Variants in CCSER1 observed in about 807,000 individuals in gnomAD.
CCSER1 encodes coiled-coil serine rich protein 1.
Under a neutral mutation model 82.0 loss-of-function variants are expected in CCSER1, and 41 were observed. That is an observed-to-expected ratio of 0.50 (90% CI 0.39 to 0.65). The LOEUF (loss-of-function observed/expected upper bound fraction) is 0.65. Among genes scored for constraint, CCSER1 ranks in the 30% least tolerant of loss-of-function variants. The pLI, the probability that CCSER1 is intolerant of heterozygous loss-of-function variation, is 0.00. For synonymous variants in CCSER1, 414 were observed against 383.9 expected (o/e 1.08, Z -0.92); for missense variants, 1,119 against 1,064.2 (o/e 1.05, Z -0.72).
chr4:90,258,982 A>T (rs751409398), intron 1 of CCSER1, among the ~76,000 whole-genome samples: 20 of 152,044 alleles, frequency 1.3e-4, no homozygotes, highest in Admixed American at 3.3e-4. Context: ...TTGGTTCCAT[A>T]TGAATTTTAG....
At chr4:91,563,510 T>C (rs545748291) in intron 10 of CCSER1, among the ~76,000 whole-genome samples, 3 of 151,472 alleles carry the variant, frequency 2.0e-5, no homozygotes, top group East Asian at 3.9e-4. Context: ...AAATTAGATA[T>C]AGTGTTCCAT....
intron 5 of CCSER1, among the ~76,000 whole-genome samples, chr4:90,502,322 A>G (rs1770017762): frequency 1.3e-5 from 2 of 152,148 alleles, no homozygotes; most frequent in South Asian, 2.1e-4. Flanking sequence ...GGGAAGTGCA[A>G]CACCCTTTTA....
chr4:90,343,880 G>A (rs2153506068), intron 3 of CCSER1, among the ~76,000 whole-genome samples: 1 of 152,218 alleles, frequency 6.6e-6, no homozygotes, highest in East Asian at 1.9e-4. Flanking sequence ...TATCCTTTGT[G>A]TTACAAACCA....
chr4:90,909,122 C>A (rs1331044218), intron 8 of CCSER1, among the ~76,000 whole-genome samples: 10 of 152,250 alleles, frequency 6.6e-5, no homozygotes, highest in African/African-American at 2.2e-4. Flanking sequence ...GATGGATCTA[C>A]ACTTTCTAGT....
intron 1 of CCSER1, among the ~76,000 whole-genome samples, chr4:90,172,054 G>GT (rs1001262326): frequency 6.6e-6 from 1 of 151,866 alleles, no homozygotes; most frequent in Non-Finnish European, 1.5e-5. Context: ...GGTGGGAAGT[G>GT]TAAGAGTTGG....
chr4:90,727,339 A>T (rs377139615), intron 7 of CCSER1: 1 of 454,634 alleles, frequency 2.2e-6, no homozygotes, highest in Non-Finnish European at 4.4e-6. Context: ...CAGAATCATA[A>T]AAGTTCAAGA....
intron 5 of CCSER1, among the ~76,000 whole-genome samples, chr4:90,545,168 A>G (rs2153637711): frequency 2.0e-5 from 3 of 152,230 alleles, no homozygotes; most frequent in Admixed American, 2.0e-4. Context: ...AGAGAAAGTG[A>G]TCACACTACT....
In CCSER1 at chr4:90,268,935, T is replaced by C. The variant is rs547997756; in HGVS notation, c.-41-39309T>C. On this transcript the variant is annotated intron_variant, in intron 1 of 10. Coordinates refer to ENST00000509176, the MANE Select transcript of CCSER1 (RefSeq NM_001145065.2). ...ACAAAATAGATTTCTAAACAAAGACTACAAAAAGAGGCAAAGAGGGACATT... is the reference window on the plus strand; with the variant it reads ...ACAAAATAGATTTCTAAACAAAGACCACAAAAAGAGGCAAAGAGGGACATT... Among the ~76,000 whole-genome samples the C allele has an allele frequency of 5.3e-5, 8 of 152,050 alleles. No homozygotes were observed. In the South Asian group the frequency reaches 1.7e-3, roughly 32 times the overall value.
At chr4:91,404,725 C>T (rs567098685) in intron 10 of CCSER1, among the ~76,000 whole-genome samples, 34 of 152,112 alleles carry the variant, frequency 2.2e-4, no homozygotes, top group South Asian at 6.2e-4. Flanking sequence ...TTCTTAGTCC[C>T]GAGCTCTAGT....
intron 3 of CCSER1, among the ~76,000 whole-genome samples, chr4:90,317,991 C>T (rs1231617645): frequency 1.3e-5 from 2 of 152,154 alleles, no homozygotes; most frequent in African/African-American, 2.4e-5. Context: ...GTTTGGTGAA[C>T]ACTTAATGAC....
At chr4:91,532,505 TAAGTA>T (rs985368834) in intron 10 of CCSER1, among the ~76,000 whole-genome samples, 11 of 152,260 alleles carry the variant, frequency 7.2e-5, no homozygotes, top group Non-Finnish European at 1.2e-4. Context: ...TGAGAATAAG[TAAGTA>T]AAGTTAGATA....
At chr4:90,646,160 G>T (rs1727548291) in intron 6 of CCSER1, among the ~76,000 whole-genome samples, 1 of 151,802 alleles carries the variant, frequency 6.6e-6, no homozygotes, top group South Asian at 2.1e-4. Context: ...TTGATTTTGG[G>T]GAAAAAAATC....
At chr4:91,035,596 A>G (rs928189835) in intron 9 of CCSER1, among the ~76,000 whole-genome samples, 2 of 152,132 alleles carry the variant, frequency 1.3e-5, no homozygotes, top group Non-Finnish European at 2.9e-5. Flanking sequence ...CAGATTTCAT[A>G]TTTTAAAAAA....
chr4:90,604,600 C>T (rs185458293), intron 5 of CCSER1, among the ~76,000 whole-genome samples: 6 of 152,294 alleles, frequency 3.9e-5, no homozygotes, highest in Non-Finnish European at 8.8e-5. Flanking sequence ...TGCCCGCTTC[C>T]GGGATCCACT....
At chr4:91,273,146 AT>A (rs943587252) in intron 10 of CCSER1, among the ~76,000 whole-genome samples, 3 of 151,112 alleles carry the variant, frequency 2.0e-5, no homozygotes, top group African/African-American at 7.3e-5. Context: ...TGATTGTGGT[AT>A]TTTTATGGGA....
intron 10 of CCSER1, among the ~76,000 whole-genome samples, chr4:91,465,098 G>C (rs1328523410): frequency 1.3e-5 from 2 of 152,086 alleles, no homozygotes; most frequent in Non-Finnish European, 2.9e-5. Context: ...TGACCGCATA[G>C]TCGGAAGTAA....
At chr4:91,070,749 G>A (rs1056679758) in intron 9 of CCSER1, among the ~76,000 whole-genome samples, 4 of 152,200 alleles carry the variant, frequency 2.6e-5, no homozygotes, top group East Asian at 1.9e-4. Flanking sequence ...CACCCCCAGC[G>A]GTGGAAAAAA....
At chr4:90,965,780 A>C (rs944947142) in intron 9 of CCSER1, among the ~76,000 whole-genome samples, 2 of 152,130 alleles carry the variant, frequency 1.3e-5, no homozygotes, top group Non-Finnish European at 2.9e-5. Flanking sequence ...AGACACAAGA[A>C]AGTGTGACTC....
At chr4:90,821,363 A>G (rs1045702958) in intron 8 of CCSER1, among the ~76,000 whole-genome samples, 1 of 152,226 alleles carries the variant, frequency 6.6e-6, no homozygotes, top group Non-Finnish European at 1.5e-5. Context: ...ATTACACATC[A>G]TGGTGATTGG....
Sources: allele counts gnomAD v4.1 joint callset (sites outside exome capture counted in the v4.1 genomes callset), GRCh38; gene constraint gnomAD v4.1.1; transcripts MANE v1.5; gene names NCBI Gene and HGNC (gene_info 2026-07-23, HGNC 2026-07-21).